Variants in C5 observed in about 807,000 individuals in gnomAD.
C5 encodes the protein complement C5.
In C5, 140 loss-of-function variants were observed where a neutral mutation model predicts 218.8. The observed-to-expected ratio is 0.64, with a 90% confidence interval of 0.56 to 0.74. The LOEUF is 0.74. Ranked by LOEUF, C5 falls within the 30% of genes least tolerant of loss-of-function variation. C5 has a pLI of 0.00. For missense variants in C5, 1,700 were observed against 1,969.6 expected, an observed-to-expected ratio of 0.86 and a Z score of 2.59; for synonymous variants, 614 against 682.3, an observed-to-expected ratio of 0.90 and a Z score of 1.56.
chr9:121,028,556 A>C (rs994111021), intron 7 of C5, among the ~76,000 whole-genome samples: 10 of 152,324 alleles, frequency 6.6e-5, no homozygotes, highest in South Asian at 4.1e-4. Context: ...GACATGGATG[A>C]AGCTGGAAAC....
intron 26 of C5, among the ~76,000 whole-genome samples, chr9:120,982,145 G>A (rs1022852953): frequency 6.6e-6 from 1 of 152,164 alleles, no homozygotes; most frequent in African/African-American, 2.4e-5. Flanking sequence ...CTGAGTAGCT[G>A]GTACTACAGG....
the C5 span, among the ~76,000 whole-genome samples, chr9:121,072,572 C>T: frequency 6.6e-6 from 1 of 151,848 alleles, no homozygotes; most frequent in South Asian, 2.1e-4. Context: ...TTTGGGAGGC[C>T]GAGGCGGGCG....
At chr9:121,035,563 C>T (rs1223383798) in intron 4 of C5, among the ~76,000 whole-genome samples, 1 of 151,996 alleles carries the variant, frequency 6.6e-6, no homozygotes, top group African/African-American at 2.4e-5. Flanking sequence ...AAGTGAGGCC[C>T]CTATCTGTAC....
intron 25 of C5, among the ~76,000 whole-genome samples, chr9:120,988,617 G>A (rs992695059): frequency 1.3e-5 from 2 of 152,202 alleles, no homozygotes; most frequent in Admixed American, 6.5e-5. Flanking sequence ...ATCATACAGA[G>A]CTTTGTAAAT....
In C5 at chr9:121,017,840, C is replaced by T. The variant is rs2047322009; in HGVS notation, c.1519G>A (p.Gly507Ser). Residue 507 changes from glycine to serine, a missense_variant, in exon 13 of 41, where the codon GGC becomes AGC. By Grantham distance (56) the Gly-to-Ser change is moderately conservative (BLOSUM62 0). Transcript: ENST00000223642. ...THYNYLILSK[G>S]KIIHFGTREK... Reference sequence around the variant, plus strand: ...CTCGTGCCAAAGTGGATAATTTTGCCCTTGGATAAAATCTAAAAATAAACA... The same window carrying T: ...CTCGTGCCAAAGTGGATAATTTTGCTCTTGGATAAAATCTAAAAATAAACA... 3 of 1,610,684 alleles carry T rather than the reference C, an allele frequency of 1.9e-6. No individual in the cohort carries two copies. Among genetic ancestry groups the T allele is most frequent in the African/African-American group, 1.3e-5 (1 of 74,876 alleles).
At chr9:121,065,046 G>C in the C5 span, among the ~76,000 whole-genome samples, 1 of 149,794 alleles carries the variant, frequency 6.7e-6, no homozygotes, top group Non-Finnish European at 1.5e-5. Flanking sequence ...CTGCAGCCTG[G>C]GTGACAGAGT....
rs1019722923 is a variant in C5, at chr9:120,962,838, C to G, written c.4398+55G>C. On this transcript the variant is annotated intron_variant, in intron 35 of 40. Transcript: ENST00000223642. ...AGAGATGATATTTATAATCTTTTAG[C>G]CTGTATATTTTGAATAGTAATAGTA... is the stretch of plus-strand genomic sequence containing the variant. 37 of 1,599,598 alleles carry G rather than the reference C, an allele frequency of 2.3e-5. No individual in the cohort carries two copies. In the East Asian group the frequency reaches 5.6e-4, roughly 24 times the overall value.
At chr9:121,065,642 C>T in the C5 span, among the ~76,000 whole-genome samples, 6 of 152,078 alleles carry the variant, frequency 3.9e-5, no homozygotes, top group Admixed American at 3.3e-4. Flanking sequence ...CATGCCACCA[C>T]ACCTGGCTAA....
At chr9:120,963,329 A>C (rs2046841584) in intron 34 of C5, among the ~76,000 whole-genome samples, 1 of 151,810 alleles carries the variant, frequency 6.6e-6, no homozygotes, top group Non-Finnish European at 1.5e-5. Flanking sequence ...ACATGGAGAA[A>C]CCTCGTCTCT....
intron 9 of C5, among the ~76,000 whole-genome samples, chr9:121,024,414 A>T (rs2047401808): frequency 6.7e-6 from 1 of 149,684 alleles, no homozygotes; most frequent in African/African-American, 2.5e-5. Flanking sequence ...AGAGCCCAAT[A>T]ATGTTATCCT....
chr9:120,983,508 C>T (rs2047010729), intron 25 of C5, among the ~76,000 whole-genome samples: 3 of 152,118 alleles, frequency 2.0e-5, no homozygotes, highest in Non-Finnish European at 4.4e-5. Context: ...TCCCACTTCC[C>T]CCACTTAAAA....
intron 10 of C5, 32 bp downstream of exon 10, chr9:121,023,372 T>C (rs1393279278): frequency 3.2e-6 from 4 of 1,236,764 alleles, no homozygotes; most frequent in Non-Finnish European, 3.6e-6. Context: ...GATGATCATA[T>C]GTAGCAACGT....
At chr9:120,974,678 G>T in intron 30 of C5, 101 bp downstream of exon 30, 1 of 1,114,390 alleles carries the variant, frequency 9.0e-7, no homozygotes, top group Non-Finnish European at 1.4e-6. Flanking sequence ...CTCAATATAT[G>T]TTTAAGTAGT....
chr9:120,999,800 C>A, intron 20 of C5: 1 of 398,520 alleles, frequency 2.5e-6, no homozygotes, highest in Non-Finnish European at 5.0e-6. Flanking sequence ...CAAAATATCA[C>A]AGATGTACTT....
At chr9:120,971,171 CAAAAAAAAAA>C (rs1156915974) in intron 31 of C5, among the ~76,000 whole-genome samples, 1 of 57,952 alleles carries the variant, frequency 1.7e-5, no homozygotes, top group South Asian at 6.1e-4. Context: ...GACTCCATCT[CAAAAAAAAAA>C]AAAAAAAGAA....
intron 14 of C5, 70 bp from the exon 15 acceptor site, chr9:121,016,453 C>T: frequency 2.5e-6 from 4 of 1,578,342 alleles, no homozygotes; most frequent in Non-Finnish European, 2.6e-6. Context: ...CTAAAAGGTA[C>T]TAATTGTTAC....
chr9:120,965,927 A>C (rs542640658), intron 33 of C5, among the ~76,000 whole-genome samples: 1 of 152,330 alleles, frequency 6.6e-6, no homozygotes, highest in South Asian at 2.1e-4. Flanking sequence ...CAAAACCAGC[A>C]ATCTTCCCCA....
At chr9:121,026,040 G>A (rs1466406421) in intron 8 of C5, 1 of 153,354 alleles carries the variant, frequency 6.5e-6, no homozygotes, top group African/African-American at 2.4e-5. Flanking sequence ...TAACACAACA[G>A]TAAAATAAAC....
At chr9:121,057,157 T>TA in the C5 span, among the ~76,000 whole-genome samples, 2 of 152,166 alleles carry the variant, frequency 1.3e-5, no homozygotes, top group Admixed American at 6.5e-5. Context: ...GAGAAACACT[T>TA]AGACAAACAA....
Sources: allele counts gnomAD v4.1 joint callset (sites outside exome capture counted in the v4.1 genomes callset), GRCh38; gene constraint gnomAD v4.1.1; transcripts MANE v1.5; gene names NCBI Gene and HGNC (gene_info 2026-07-23, HGNC 2026-07-21).